The following STX18 variants were observed in gnomAD, a reference collection of about 807,000 sequenced individuals.
STX18 encodes syntaxin 18.
In STX18, 40 loss-of-function variants were observed where a neutral mutation model predicts 50.1. That is an observed-to-expected ratio of 0.80 (90% confidence interval 0.62 to 1.04). The LOEUF is 1.04. Ranked by LOEUF, STX18 falls within the 50% of genes least tolerant of loss-of-function variation. The pLI is 0.00. For missense variants in STX18, 410 were observed against 415.8 expected (o/e 0.99, Z 0.12); for synonymous variants, 158 against 151.8 (o/e 1.04, Z -0.30).
At position 4,419,847 on chromosome 4, in the gene STX18, A is replaced by G. The variant is rs886546020; in HGVS notation, c.*187T>C. The G allele has an allele frequency of 1.9e-6, 1 of 537,616 alleles. No individual in the cohort carries two copies. The highest frequency in any genetic ancestry group is 3.2e-5 in the African/African-American group (1 of 31,344). The allele number at this position is 537,616 out of a possible 1,614,324, so 33.3% of individuals were successfully genotyped here. A position where few individuals can be genotyped will look rare whatever the true frequency, so the allele number is the denominator to read the frequency against. On this transcript the variant is annotated 3_prime_UTR_variant, in exon 11 of 11. Coordinates refer to ENST00000306200, the MANE Select transcript of STX18 (RefSeq NM_016930.4). ...CACTGTTTCCTTTTTCAGCTGCTAA[A>G]TGGCTGAACACCATCGGCCTGGGGT...
chr4:4,423,623 G>A (rs1400576907), intron 8 of STX18, 36 bp from the exon 9 acceptor site: 1 of 1,590,568 alleles, frequency 6.3e-7, no homozygotes, highest in South Asian at 1.1e-5. Context: ...TTAACTATTA[G>A]CACTTGGTAA....
At chr4:4,541,174 C>CT (rs1731572687) in intron 1 of STX18, among the ~76,000 whole-genome samples, 1 of 152,180 alleles carries the variant, frequency 6.6e-6, no homozygotes, top group Non-Finnish European at 1.5e-5. Flanking sequence ...AACACTGTCC[C>CT]TGCCCTTAAG....
chr4:4,474,949 C>T (rs1210218281), intron 1 of STX18, among the ~76,000 whole-genome samples: 1 of 152,210 alleles, frequency 6.6e-6, no homozygotes, highest in Non-Finnish European at 1.5e-5. Flanking sequence ...GAAACTAATA[C>T]ACCTACTAAG....
intron 1 of STX18, among the ~76,000 whole-genome samples, chr4:4,520,742 ACT>A (rs1284221245): frequency 6.6e-6 from 1 of 152,184 alleles, no homozygotes; most frequent in Non-Finnish European, 1.5e-5. Flanking sequence ...AAAAAAAAAC[ACT>A]GATTCCAAAA....
chr4:4,534,985 G>A (rs191631841), intron 1 of STX18, among the ~76,000 whole-genome samples: 15 of 152,272 alleles, frequency 9.9e-5, no homozygotes, highest in Non-Finnish European at 1.5e-4. Context: ...ACCCTCACCC[G>A]GGCCTCCTCC....
intron 1 of STX18, among the ~76,000 whole-genome samples, chr4:4,514,822 G>A (rs1191630165): frequency 6.6e-6 from 1 of 152,084 alleles, no homozygotes; most frequent in African/African-American, 2.4e-5. Flanking sequence ...ATCAGATAAG[G>A]GGGTATATGA....
At position 4,420,881 on chromosome 4, in the gene STX18, T is replaced by G. The variant is rs754900100; in HGVS notation, c.895A>C (p.Asn299His). 1 of 1,614,184 alleles carries G rather than the reference T, an allele frequency of 6.2e-7. No homozygotes were observed. The highest frequency in any genetic ancestry group is 1.7e-5 in the Admixed American group (1 of 60,030). Reference sequence around the variant, plus strand: ...GTGCCTACCTCTCTTATGTCTTCGTTGCCTTCCTTGATATTTTCAGTTGCC... The same window carrying G: ...GTGCCTACCTCTCTTATGTCTTCGTGGCCTTCCTTGATATTTTCAGTTGCC... ...VGATENIKEGNEDIREAIKNN... is the reference protein window; with the variant it reads ...VGATENIKEGHEDIREAIKNN... Residue 299 changes from asparagine (N) to histidine (H), a missense_variant, in exon 10 of 11, where the codon AAC becomes CAC. By Grantham distance (68) the Asn-to-His change is moderately conservative. Coordinates refer to ENST00000306200, the MANE Select transcript of STX18 (RefSeq NM_016930.4). This position sits in a 1 kb window ranked among gnomAD's most constrained non-coding sequence, Gnocchi z 4.3.
At chr4:4,436,251 T>G (rs1013711384) in intron 6 of STX18, among the ~76,000 whole-genome samples, 1 of 152,248 alleles carries the variant, frequency 6.6e-6, no homozygotes, top group African/African-American at 2.4e-5. Flanking sequence ...ACTTAGTGCA[T>G]GCAGGCTTTT....
chr4:4,477,593 G>C (rs919136545), intron 1 of STX18, among the ~76,000 whole-genome samples: 4 of 152,114 alleles, frequency 2.6e-5, no homozygotes, highest in African/African-American at 9.7e-5. Flanking sequence ...TGAGAAAACC[G>C]AGTCAGAGAG....
At chr4:4,436,709 C>G (rs116491584) in intron 6 of STX18, among the ~76,000 whole-genome samples, 1,930 of 152,286 alleles carry the variant, frequency 0.013, 17 homozygotes, top group Non-Finnish European at 0.022. Context: ...ACCCGTGCAC[C>G]CTGGTGCCAC....
Position 4,467,746 on chromosome 4 carries a change from G to C in STX18, c.236+3893C>G, listed in dbSNP as rs188601028. 1.2e-3 allele frequency among the ~76,000 whole-genome samples: 189 copies of C among 151,598 alleles called. 2 individuals are homozygous for C. Among genetic ancestry groups the C allele is most frequent in the Admixed American group, 0.012 (186 of 15,168 alleles). On this transcript the variant is annotated intron_variant, in intron 2 of 10. Transcript: ENST00000306200. ...GGATGGAAAGATAAGGTGGGCATGG[G>C]GGGTGGGTGGGAGGGTAGCTAGGGA...
At chr4:4,537,957 G>A (rs1440373314) in intron 1 of STX18, among the ~76,000 whole-genome samples, 1 of 152,158 alleles carries the variant, frequency 6.6e-6, no homozygotes, top group Non-Finnish European at 1.5e-5. Context: ...AGGGAGAGCA[G>A]CATTAAACCA....
Position 4,419,567 on chromosome 4 carries a change from C to T in STX18, c.*467G>A, listed in dbSNP as rs1056241213. ...AAGTCTGTGTATTCGTTGACTCAGA[C>T]AGACAAGAAGCCACAAGGAAACAAA... On this transcript the variant is annotated 3_prime_UTR_variant, in exon 11 of 11. Transcript: ENST00000306200. 1 of 154,078 alleles carries T rather than the reference C, an allele frequency of 6.5e-6. No individual in the cohort carries two copies. Among genetic ancestry groups the T allele is most frequent in the African/African-American group, 2.4e-5 (1 of 41,474 alleles). 9.5% of individuals were successfully genotyped at this position (154,078 alleles called of 1,614,324 possible).
At chr4:4,475,471 C>CA (rs11296481) in intron 1 of STX18, among the ~76,000 whole-genome samples, 467 of 144,460 alleles carry the variant, frequency 3.2e-3, no homozygotes, top group Middle Eastern at 0.018. Flanking sequence ...TAAAAAAAAA[C>CA]AAAAAAAAAA....
At chr4:4,435,776 G>T (rs1725744251) in intron 6 of STX18, among the ~76,000 whole-genome samples, 1 of 152,174 alleles carries the variant, frequency 6.6e-6, no homozygotes. Flanking sequence ...TTAATCTGGA[G>T]AACTTTTTCA....
At chr4:4,446,026 T>C (rs1273550262) in intron 5 of STX18, among the ~76,000 whole-genome samples, 1 of 152,200 alleles carries the variant, frequency 6.6e-6, no homozygotes, top group Non-Finnish European at 1.5e-5. Flanking sequence ...GACATATACA[T>C]GTTTGGGTCA....
At chr4:4,502,516 G>A (rs973264506) in intron 1 of STX18, among the ~76,000 whole-genome samples, 2 of 151,998 alleles carry the variant, frequency 1.3e-5, no homozygotes, top group African/African-American at 2.4e-5. Context: ...AACTGAAAAG[G>A]TTCACAGGTT....
intron 1 of STX18, among the ~76,000 whole-genome samples, chr4:4,515,661 T>C (rs1488607778): frequency 6.6e-6 from 1 of 152,186 alleles, no homozygotes. Flanking sequence ...GCTTTAGCAG[T>C]CTACATGTAT....
intron 1 of STX18, among the ~76,000 whole-genome samples, chr4:4,481,289 T>C (rs1479547902): frequency 4.6e-5 from 7 of 152,198 alleles, no homozygotes; most frequent in African/African-American, 1.2e-4. Context: ...CCCAGGATGA[T>C]AGAAATTCTG....
Sources: gnomAD v4.1 joint callset for allele counts (sites outside exome capture counted in the v4.1 genomes callset) on GRCh38, gnomAD v4.1.1 for gene constraint, Gnocchi (gnomAD v3.1) non-coding constraint, MANE v1.5 for transcripts, NCBI Gene and HGNC (gene_info 2026-07-23, HGNC 2026-07-21) for gene names.